CRACD: variants seen among roughly 807,000 people sequenced by gnomAD.
CRACD encodes capping protein inhibiting regulator of actin dynamics.
CRACD carries 56 observed loss-of-function variants against 106.8 expected under a neutral mutation model. That is an observed-to-expected ratio of 0.52 (90% CI 0.42 to 0.66). CRACD has a LOEUF of 0.66. Ranked by LOEUF, CRACD falls within the 30% of genes least tolerant of loss-of-function variation. The pLI is 0.00. For missense variants in CRACD, 1,730 were observed against 1,623.2 expected (o/e 1.07, Z -1.13); for synonymous variants, 754 against 670.8 (o/e 1.12, Z -1.92).
intron 1 of CRACD, among the ~76,000 whole-genome samples, chr4:56,103,589 TTCTA>T (rs1224903915): frequency 6.6e-5 from 10 of 152,206 alleles, no homozygotes; most frequent in African/African-American, 2.4e-4. Context: ...CAAACATGCA[TTCTA>T]TCTATGACTA....
chr4:56,216,776 C>T (rs962428047), intron 2 of CRACD, among the ~76,000 whole-genome samples: 3 of 151,068 alleles, frequency 2.0e-5, no homozygotes, highest in Non-Finnish European at 4.4e-5. Context: ...GTCAGGAGAT[C>T]GAGACCATCC....
At chr4:56,129,804 G>A (rs1490197771) in intron 1 of CRACD, among the ~76,000 whole-genome samples, 1 of 152,210 alleles carries the variant, frequency 6.6e-6, no homozygotes, top group Non-Finnish European at 1.5e-5. Context: ...TATGCGTACA[G>A]TGCTACAGAA....
intron 2 of CRACD, among the ~76,000 whole-genome samples, chr4:56,201,887 A>G (rs1444806799): frequency 6.6e-6 from 1 of 152,202 alleles, no homozygotes; most frequent in African/African-American, 2.4e-5. Flanking sequence ...TTGCAGAGGT[A>G]AGAGCATATA....
intron 1 of CRACD, among the ~76,000 whole-genome samples, chr4:56,085,665 C>T (rs1054647312): frequency 5.3e-5 from 8 of 152,308 alleles, no homozygotes; most frequent in African/African-American, 1.7e-4. Context: ...AATGTAAAAA[C>T]CATTCTTAGC....
In CRACD at chr4:56,179,340, T is replaced by G. The variant is rs1467851744; in HGVS notation, c.-279T>G. 6.6e-6 allele frequency: 1 copy of G among 152,188 alleles called. No homozygotes were observed. The allele number at this position is 152,188 out of a possible 1,614,324, so 9.4% of individuals were successfully genotyped here. On this transcript the variant is annotated 5_prime_UTR_variant, in exon 2 of 11. It adds an upstream start codon to the 5' untranslated region. Coordinates refer to ENST00000682029, the MANE Select transcript of CRACD (RefSeq NM_001393381.1). ...AGCAATGTACCCCATTTCCTGACAT[T>G]TACAGCTGAAGGTGAAGTTTCCCTT...
chr4:56,298,025 A>G, intron 3 of CRACD, 189 bp from the exon 4 acceptor site: 1 of 552,672 alleles, frequency 1.8e-6, no homozygotes, highest in South Asian at 2.4e-5. Flanking sequence ...GGGCTATGTA[A>G]GAGATGGGGA....
intron 1 of CRACD, among the ~76,000 whole-genome samples, chr4:56,177,188 T>G (rs1736620472): frequency 6.6e-6 from 1 of 152,164 alleles, no homozygotes; most frequent in African/African-American, 2.4e-5. Flanking sequence ...GATGCTGTCT[T>G]TTGGTTTGGT....
intron 1 of CRACD, among the ~76,000 whole-genome samples, chr4:56,070,816 G>C (rs1044316561): frequency 2.0e-5 from 3 of 148,242 alleles, no homozygotes; most frequent in Admixed American, 1.3e-4. Context: ...GAGTCTGTTG[G>C]GTAAATACTG....
At chr4:56,263,926 C>T (rs961004826) in intron 2 of CRACD, among the ~76,000 whole-genome samples, 2 of 152,076 alleles carry the variant, frequency 1.3e-5, no homozygotes, top group Non-Finnish European at 2.9e-5. Flanking sequence ...AGTCTGTTCT[C>T]ACACTGCTAT....
chr4:56,176,431 CTTT>C (rs3036818), intron 1 of CRACD, among the ~76,000 whole-genome samples: 2 of 137,218 alleles, frequency 1.5e-5, no homozygotes, highest in Non-Finnish European at 1.5e-5. Flanking sequence ...CTTCCAATTT[CTTT>C]TTTTTTTTTT....
chr4:56,244,699 G>A (rs1740582408), intron 2 of CRACD, among the ~76,000 whole-genome samples: 1 of 152,174 alleles, frequency 6.6e-6, no homozygotes, highest in Admixed American at 6.5e-5. Flanking sequence ...CCACCCTACA[G>A]TCCATGATGA....
rs563017773 is a variant in CRACD at position 56,076,346 on chromosome 4, C to T, written c.-336+27047C>T. Among the ~76,000 whole-genome samples, 6 of 152,152 alleles carry T rather than the reference C, an allele frequency of 3.9e-5. No homozygotes were observed. In the South Asian group the frequency reaches 8.3e-4, roughly 21 times the overall value. Reference sequence around the variant, plus strand: ...ACTTTGTTATGGCAGCCCTTGTAAACGAATACAGGGGTGATATAGAAAAAA... The same window carrying T: ...ACTTTGTTATGGCAGCCCTTGTAAATGAATACAGGGGTGATATAGAAAAAA... On this transcript the variant is annotated intron_variant, in intron 1 of 10. Coordinates refer to ENST00000682029, the MANE Select transcript of CRACD (RefSeq NM_001393381.1).
intron 1 of CRACD, among the ~76,000 whole-genome samples, chr4:56,173,744 G>C (rs1052907327): frequency 6.6e-6 from 1 of 152,154 alleles, no homozygotes; most frequent in East Asian, 1.9e-4. Flanking sequence ...GCCCAGAAGT[G>C]GAATTGCTAG....
chr4:56,139,142 A>G (rs1055284395), intron 1 of CRACD, among the ~76,000 whole-genome samples: 1 of 152,228 alleles, frequency 6.6e-6, no homozygotes, highest in African/African-American at 2.4e-5. Context: ...AATTCCAAAT[A>G]TCTTTAAGCA....
At chr4:56,194,494 C>G (rs1737515692) in intron 2 of CRACD, among the ~76,000 whole-genome samples, 1 of 152,058 alleles carries the variant, frequency 6.6e-6, no homozygotes, top group Admixed American at 6.6e-5. Flanking sequence ...TGTTTGCATC[C>G]CCCCCTGAAA....
intron 1 of CRACD, among the ~76,000 whole-genome samples, chr4:56,150,077 A>G (rs1735531138): frequency 6.6e-6 from 1 of 152,232 alleles, no homozygotes; most frequent in East Asian, 1.9e-4. Flanking sequence ...AACCCTCAAG[A>G]AGCCCAAATT....
intron 2 of CRACD, among the ~76,000 whole-genome samples, chr4:56,190,091 T>C (rs1391831883): frequency 1.3e-5 from 2 of 151,002 alleles, no homozygotes; most frequent in Non-Finnish European, 2.9e-5. Flanking sequence ...GTTCTTGCGA[T>C]AGTTTGCTGA....
At chr4:56,261,361 CTT>C (rs369710516) in intron 2 of CRACD, among the ~76,000 whole-genome samples, 6 of 141,044 alleles carry the variant, frequency 4.3e-5, no homozygotes, top group Admixed American at 1.4e-4. Context: ...TCTTCTTCTT[CTT>C]TTTTTTTTTT....
At chr4:56,312,424 G>A (rs2049089) in intron 6 of CRACD, among the ~76,000 whole-genome samples, 99,656 of 151,990 alleles carry the variant, frequency 0.66, 33,762 homozygotes, top group Non-Finnish European at 0.76. Flanking sequence ...CAGCCTCCCA[G>A]AGTGCTGGGA....
Sources: gnomAD v4.1 joint callset for allele counts (sites outside exome capture counted in the v4.1 genomes callset) on GRCh38, gnomAD v4.1.1 for gene constraint, MANE v1.5 for transcripts, NCBI Gene and HGNC (gene_info 2026-07-23, HGNC 2026-07-21) for gene names.